Variants in SSX2IP observed in about 807,000 individuals in gnomAD.
SSX2IP encodes SSX family member 2 interacting protein.
SSX2IP carries 55 observed loss-of-function variants against 84.9 expected under a neutral mutation model. The observed-to-expected ratio is 0.65, with a 90% CI of 0.52 to 0.81. SSX2IP has a LOEUF of 0.81. SSX2IP is among the 30% of genes least tolerant of loss of function. SSX2IP has a pLI of 0.00. For missense variants in SSX2IP, 664 were observed against 705.2 expected (o/e 0.94, Z 0.66); for synonymous variants, 239 against 234.7 (o/e 1.02, Z -0.17).
chr1:84,664,594 C>G, intron 5 of SSX2IP, 42 bp from the exon 6 acceptor site: 1 of 1,479,382 alleles, frequency 6.8e-7, no homozygotes, highest in Non-Finnish European at 8.9e-7. Flanking sequence ...TAACGATTCA[C>G]AAATTTGAAA....
intron 4 of SSX2IP, among the ~76,000 whole-genome samples, chr1:84,667,057 CTTTT>C (rs147814993): frequency 6.6e-6 from 1 of 151,582 alleles, no homozygotes; most frequent in Non-Finnish European, 1.5e-5. Flanking sequence ...TTTTGGCAAC[CTTTT>C]TTTTTGAATG....
At chr1:84,680,532 G>A (rs1654930161) in intron 1 of SSX2IP, 3 of 152,080 alleles carry the variant, frequency 2.0e-5, no homozygotes, top group Non-Finnish European at 4.4e-5. Flanking sequence ...CATGGTAAGT[G>A]CTCAATAAAT....
chr1:84,671,152 T>C, intron 2 of SSX2IP, 25 bp downstream of exon 2: 1 of 1,603,922 alleles, frequency 6.2e-7, no homozygotes, highest in Non-Finnish European at 8.5e-7. Flanking sequence ...TCTGCTTTTG[T>C]TTACAATTAT....
intron 1 of SSX2IP, among the ~76,000 whole-genome samples, chr1:84,677,703 A>T (rs1021872469): frequency 3.9e-5 from 6 of 152,210 alleles, no homozygotes; most frequent in Admixed American, 1.3e-4. Context: ...TCCTGGGGAA[A>T]ACAAGCCATC....
rs370468149 is a variant in SSX2IP at position 84,650,342 on chromosome 1, G to T, written c.1670+20C>A. 37 of 1,613,882 alleles carry T rather than the reference G, an allele frequency of 2.3e-5. No individual in the cohort carries two copies. The African/African-American group carries it at 4.4e-4, about 19-fold the overall frequency. On this transcript the variant is annotated intron_variant, in intron 13 of 13. Transcript: ENST00000342203. ...AGCAATTTTTAGAAACACGTGAAAA[G>T]ATCACCTATAGACAAATACCTATGT...
At chr1:84,647,640 T>C in intron 13 of SSX2IP, 33 bp from the exon 14 acceptor site, 2 of 1,454,850 alleles carry the variant, frequency 1.4e-6, no homozygotes, top group Non-Finnish European at 1.8e-6. Context: ...TCTTAGTGAC[T>C]ATCCTCTCCT....
At chr1:84,653,181 A>T (rs902773253) in intron 11 of SSX2IP, among the ~76,000 whole-genome samples, 49 of 152,260 alleles carry the variant, frequency 3.2e-4, no homozygotes, top group Admixed American at 1.1e-3. Flanking sequence ...CAAAAAATGG[A>T]ACAGAATATT....
chr1:84,648,888 T>C (rs1649823208), intron 13 of SSX2IP, among the ~76,000 whole-genome samples: 1 of 152,224 alleles, frequency 6.6e-6, no homozygotes, highest in Admixed American at 6.5e-5. Flanking sequence ...TCCTTCATAT[T>C]ATGACCCTAG....
intron 3 of SSX2IP, chr1:84,670,386 G>C (rs1001761923): frequency 3.7e-5 from 9 of 240,820 alleles, no homozygotes; most frequent in Non-Finnish European, 7.1e-5. Flanking sequence ...CAAGGCACTT[G>C]GGTTTCTGCA....
chr1:84,684,284 G>A (rs1012235955), intron 1 of SSX2IP, among the ~76,000 whole-genome samples: 4 of 152,298 alleles, frequency 2.6e-5, no homozygotes, highest in East Asian at 3.9e-4. Context: ...GAACCTCCAC[G>A]TAATTCTGAC....
chr1:84,664,635 T>TA, intron 5 of SSX2IP, 83 bp from the exon 6 acceptor site: 4 of 1,237,448 alleles, frequency 3.2e-6, no homozygotes, highest in Non-Finnish European at 4.3e-6. Flanking sequence ...TCTCCCCATA[T>TA]AGGTTTTAAA....
intron 1 of SSX2IP, among the ~76,000 whole-genome samples, chr1:84,684,573 C>T (rs1655530774): frequency 6.6e-6 from 1 of 152,102 alleles, no homozygotes; most frequent in Non-Finnish European, 1.5e-5. Flanking sequence ...TTCATTTATC[C>T]TATTCACATA....
chr1:84,672,900 C>T (rs1174802592), intron 1 of SSX2IP, among the ~76,000 whole-genome samples: 1 of 152,142 alleles, frequency 6.6e-6, no homozygotes, highest in Non-Finnish European at 1.5e-5. Flanking sequence ...TGGCATGCGC[C>T]TGTAATCCCA....
intron 3 of SSX2IP, 166 bp downstream of exon 3, chr1:84,670,480 C>T (rs2102427531): frequency 2.3e-6 from 1 of 437,234 alleles, no homozygotes; most frequent in Non-Finnish European, 3.9e-6. Flanking sequence ...AAAAGTTAGA[C>T]TTGCTATCTC....
chr1:84,684,751 T>G (rs926462748), intron 1 of SSX2IP, among the ~76,000 whole-genome samples: 1 of 152,116 alleles, frequency 6.6e-6, no homozygotes, highest in Admixed American at 6.5e-5. Context: ...GGATAAATTA[T>G]GCCATATGCA....
chr1:84,677,394 C>T (rs993328182), intron 1 of SSX2IP, among the ~76,000 whole-genome samples: 1 of 152,118 alleles, frequency 6.6e-6, no homozygotes, highest in African/African-American at 2.4e-5. Context: ...CAGTAAAGTT[C>T]GTTGGCTAGC....
intron 8 of SSX2IP, among the ~76,000 whole-genome samples, chr1:84,659,279 G>A (rs1429796675): frequency 7.3e-6 from 1 of 137,114 alleles, no homozygotes; most frequent in Non-Finnish European, 1.6e-5. Flanking sequence ...CAGGATGAGG[G>A]AGCAACTGAG....
intron 8 of SSX2IP, among the ~76,000 whole-genome samples, chr1:84,659,353 C>T (rs963694255): frequency 2.0e-5 from 3 of 152,090 alleles, no homozygotes; most frequent in African/African-American, 7.2e-5. Context: ...GTCTCTGAGG[C>T]GGAGCAGACA....
intron 1 of SSX2IP, among the ~76,000 whole-genome samples, chr1:84,677,080 G>A (rs896132405): frequency 3.3e-5 from 5 of 151,986 alleles, no homozygotes; most frequent in East Asian, 1.9e-4. Flanking sequence ...AATCTCTATC[G>A]TGCATGCACA....
Sources: allele counts gnomAD v4.1 joint callset (sites outside exome capture counted in the v4.1 genomes callset), GRCh38; gene constraint gnomAD v4.1.1; transcripts MANE v1.5; gene names NCBI Gene and HGNC (gene_info 2026-07-23, HGNC 2026-07-21).